Variants in ATP8B4 observed in about 807,000 individuals in gnomAD.
The protein encoded by ATP8B4 is probable phospholipid-transporting ATPase IM.
A neutral mutation model predicts 145.6 loss-of-function variants in ATP8B4; 133 were observed. That is an observed-to-expected ratio of 0.91 (90% confidence interval 0.79 to 1.05). ATP8B4 has a LOEUF of 1.05. ATP8B4 is among the 50% of genes least tolerant of loss of function. ATP8B4 has a pLI of 0.00. For synonymous variants in ATP8B4, 507 were observed against 492.9 expected (o/e 1.03, Z -0.38); for missense variants, 1,458 against 1,425.2 (o/e 1.02, Z -0.37).
At chr15:50,081,020 G>A (rs1167508873) in intron 2 of ATP8B4, among the ~76,000 whole-genome samples, 3 of 152,026 alleles carry the variant, frequency 2.0e-5, no homozygotes, top group Admixed American at 2.0e-4. Context: ...GGCTGAGGCA[G>A]GAGAATGGCG....
At chr15:50,044,003 A>T (rs1249306677) in intron 5 of ATP8B4, among the ~76,000 whole-genome samples, 3 of 152,026 alleles carry the variant, frequency 2.0e-5, no homozygotes, top group African/African-American at 7.2e-5. Context: ...TAAATATAAC[A>T]TACAAAATAT....
chr15:50,172,488 C>G (rs1282131770), intron 1 of ATP8B4, among the ~76,000 whole-genome samples: 5 of 152,218 alleles, frequency 3.3e-5, no homozygotes, highest in Admixed American at 1.3e-4. Context: ...GATCTCGGCT[C>G]GCTACAACCT....
intron 10 of ATP8B4, among the ~76,000 whole-genome samples, chr15:49,984,347 T>C (rs1029616427): frequency 1.3e-5 from 2 of 152,172 alleles, no homozygotes; most frequent in African/African-American, 4.8e-5. Flanking sequence ...AGGAAATAGA[T>C]GACACATTGA....
intron 1 of ATP8B4, among the ~76,000 whole-genome samples, chr15:50,138,378 T>G (rs2414024): frequency 0.99 from 150,174 of 151,992 alleles, 74,204 homozygotes; most frequent in East Asian, 1. Flanking sequence ...AGATAGGCAG[T>G]CCATGATAGA....
At chr15:50,098,577 C>T (rs2056143688) in intron 2 of ATP8B4, among the ~76,000 whole-genome samples, 1 of 152,010 alleles carries the variant, frequency 6.6e-6, no homozygotes, top group Non-Finnish European at 1.5e-5. Context: ...AGCCACCAAG[C>T]CCAGTCTACC....
At chr15:50,019,786 T>C (rs1365690189) in intron 6 of ATP8B4, among the ~76,000 whole-genome samples, 1 of 152,176 alleles carries the variant, frequency 6.6e-6, no homozygotes, top group Non-Finnish European at 1.5e-5. Context: ...CTTCAAACCT[T>C]TTCTTTGTTT....
chr15:49,976,414 T>C (rs2045667733), intron 12 of ATP8B4, among the ~76,000 whole-genome samples: 1 of 102,540 alleles, frequency 9.8e-6, no homozygotes, highest in South Asian at 3.4e-4. Flanking sequence ...TTTAACTCTT[T>C]AGACTCTAAT....
intron 1 of ATP8B4, among the ~76,000 whole-genome samples, chr15:50,173,909 AC>A (rs2044725682): frequency 1.3e-5 from 2 of 152,176 alleles, no homozygotes; most frequent in Non-Finnish European, 2.9e-5. Flanking sequence ...ATACTAGCTA[AC>A]TAAATCCAAC....
At chr15:50,173,614 T>C (rs1300234274) in intron 1 of ATP8B4, among the ~76,000 whole-genome samples, 2 of 152,058 alleles carry the variant, frequency 1.3e-5, no homozygotes, top group Admixed American at 1.3e-4. Flanking sequence ...TTTGTTCACA[T>C]GTTTATCTGC....
chr15:50,088,155 A>G (rs1419175963), intron 2 of ATP8B4, among the ~76,000 whole-genome samples: 1 of 152,146 alleles, frequency 6.6e-6, no homozygotes, highest in African/African-American at 2.4e-5. Context: ...TAGGAGGCCA[A>G]GGCGGGTGGA....
chr15:50,014,894 C>T (rs148277894), intron 6 of ATP8B4, among the ~76,000 whole-genome samples: 6 of 152,238 alleles, frequency 3.9e-5, no homozygotes, highest in Admixed American at 3.3e-4. Flanking sequence ...TGACCACACA[C>T]TTTGAAAACT....
chr15:50,168,696 G>A (rs191871806), intron 1 of ATP8B4, among the ~76,000 whole-genome samples: 150 of 152,310 alleles, frequency 9.8e-4, no homozygotes, highest in Non-Finnish European at 1.7e-3. Flanking sequence ...AACTCAAGAG[G>A]AGGGCACGAA....
At chr15:49,970,523 T>C (rs1280887998) in intron 13 of ATP8B4, among the ~76,000 whole-genome samples, 3 of 152,088 alleles carry the variant, frequency 2.0e-5, no homozygotes, top group African/African-American at 4.8e-5. Flanking sequence ...CCATTCACAA[T>C]AGCTACAAAG....
chr15:49,895,206 G>A (rs1262453692), intron 23 of ATP8B4: 1 of 152,222 alleles, frequency 6.6e-6, no homozygotes, highest in East Asian at 1.9e-4. Flanking sequence ...GTCTAATGTT[G>A]TTGACAAAAC....
intron 20 of ATP8B4, among the ~76,000 whole-genome samples, chr15:49,902,601 T>C (rs2038160586): frequency 6.6e-6 from 1 of 152,170 alleles, no homozygotes; most frequent in Non-Finnish European, 1.5e-5. Context: ...AAAAGATGTA[T>C]AAAGTCAGAG....
intron 20 of ATP8B4, among the ~76,000 whole-genome samples, chr15:49,906,678 A>G (rs1312353223): frequency 1.3e-5 from 2 of 152,196 alleles, no homozygotes; most frequent in African/African-American, 4.8e-5. Flanking sequence ...GAATTTCACT[A>G]ATTGGACTTT....
At chr15:50,069,658 G>A (rs565889889) in intron 3 of ATP8B4, among the ~76,000 whole-genome samples, 5 of 152,256 alleles carry the variant, frequency 3.3e-5, no homozygotes, top group East Asian at 3.9e-4. Flanking sequence ...AGTGATTAGG[G>A]TTTGTTTTGT....
rs767348093 is a variant in ATP8B4 at position 49,972,507 on chromosome 15, A to G, written c.1243+75T>C. ...GCCAGCGACTGTTTTGGATTTTTAA[A>G]TTTTTTTTTAATGGGGTCAGTTATT... On this transcript the variant is annotated intron_variant, in intron 13 of 27. Transcript: ENST00000284509. 35 of 1,405,872 alleles carry G rather than the reference A, an allele frequency of 2.5e-5. No individual in the cohort carries two copies. The African/African-American group carries it at 4.8e-4, about 19-fold the overall frequency. 87.1% of individuals were successfully genotyped at this position (1,405,872 alleles called of 1,614,324 possible). A position where few individuals can be genotyped will look rare whatever the true frequency, so the allele number is the denominator to read the frequency against.
intron 14 of ATP8B4, among the ~76,000 whole-genome samples, chr15:49,957,015 AT>A (rs1429502932): frequency 6.6e-6 from 1 of 152,316 alleles, no homozygotes. Flanking sequence ...ACAAAACAAA[AT>A]GCAAATATTA....
Sources: gnomAD v4.1 joint callset for allele counts (sites outside exome capture counted in the v4.1 genomes callset) on GRCh38, gnomAD v4.1.1 for gene constraint, MANE v1.5 for transcripts, NCBI Gene and HGNC (gene_info 2026-07-23, HGNC 2026-07-21) for gene names.